The following FUBP3 variants were observed in gnomAD, a reference collection of about 807,000 sequenced individuals.
The protein encoded by FUBP3 is far upstream element-binding protein 3.
A neutral mutation model predicts 85.6 loss-of-function variants in FUBP3; 28 were observed. The ratio of observed to expected loss-of-function variants is 0.33; its 90% CI spans 0.24 to 0.45. The LOEUF (loss-of-function observed/expected upper bound fraction) is 0.45. Among genes scored for constraint, FUBP3 ranks in the 20% least tolerant of loss-of-function variants. FUBP3 has a pLI of 1.00. For synonymous variants in FUBP3, 271 were observed against 271.4 expected (o/e 1.00, Z 0.01); for missense variants, 583 against 755.1 (o/e 0.77, Z 2.67).
At chr9:130,628,323 C>G (rs1247588817) in intron 12 of FUBP3, among the ~76,000 whole-genome samples, 1 of 152,212 alleles carries the variant, frequency 6.6e-6, no homozygotes, top group East Asian at 1.9e-4. Context: ...CCAGCCTGCT[C>G]TTGTCAGCCA....
chr9:130,583,901 A>G (rs1830234645), intron 1 of FUBP3, among the ~76,000 whole-genome samples: 1 of 152,066 alleles, frequency 6.6e-6, no homozygotes, highest in Admixed American at 6.5e-5. Context: ...TTTATCATAT[A>G]ATATAATTAT....
intron 3 of FUBP3, among the ~76,000 whole-genome samples, chr9:130,610,818 T>G (rs968039151): frequency 6.6e-6 from 1 of 152,228 alleles, no homozygotes; most frequent in Non-Finnish European, 1.5e-5. Context: ...ACAAAAGTTT[T>G]ATCCTGGGGT....
intron 14 of FUBP3, 43 bp downstream of exon 14, chr9:130,631,673 T>A: frequency 7.0e-6 from 10 of 1,423,404 alleles, no homozygotes; most frequent in South Asian, 1.2e-5. Context: ...ATTCACTCGC[T>A]CCCCAGAGAT....
At position 130,631,558 on chromosome 9, in the gene FUBP3, G is replaced by A; in HGVS notation, c.1280G>A (p.Gly427Glu). 1 of 1,613,504 alleles carries A rather than the reference G, an allele frequency of 6.2e-7. No homozygotes were observed. The highest frequency in any genetic ancestry group is 8.5e-7 in the Non-Finnish European group (1 of 1,179,396). ...AGAGCTCCCTCTGTGCCCCCACAGG[G>A]GACCAATCTCGGAGCACCTGGAGCC... The part of the protein sequence containing the change: ...ARQLIDEKVG[G>E]TNLGAPGAFG... Residue 427 changes from glycine to glutamate, a missense_variant and splice_region_variant, in exon 14 of 19, where the codon GGG (glycine) becomes GAG (glutamate). By Grantham distance (98) the Gly-to-Glu change is moderately conservative. Coordinates refer to ENST00000319725, the MANE Select transcript of FUBP3 (RefSeq NM_003934.2).
At chr9:130,606,546 C>A (rs10793947) in intron 2 of FUBP3, among the ~76,000 whole-genome samples, 2 of 151,792 alleles carry the variant, frequency 1.3e-5, no homozygotes, top group South Asian at 2.1e-4. Context: ...TGTGGCCGGG[C>A]GCGGTGGCTC....
chr9:130,628,108 A>ACG (rs1830065204), intron 12 of FUBP3, among the ~76,000 whole-genome samples: 1 of 140,412 alleles, frequency 7.1e-6, no homozygotes, highest in African/African-American at 3.1e-5. Context: ...GCACGCGCAC[A>ACG]CACACACACA....
Position 130,630,608 on chromosome 9 carries a change from C to A in FUBP3, c.1118-20C>A. 6.4e-7 allele frequency: 1 copy of A among 1,564,698 alleles called. No homozygotes were observed. Among genetic ancestry groups the A allele is most frequent in the Non-Finnish European group, 8.6e-7 (1 of 1,156,494 alleles). On this transcript the variant is annotated intron_variant, in intron 12 of 18. Transcript: ENST00000319725. ...CCGCAGTCTCTGCTTACTCTTCTGC[C>A]TGTGTTGTGCTGTCCGCAGGGGGTG...
intron 5 of FUBP3, among the ~76,000 whole-genome samples, chr9:130,613,650 C>G (rs544379714): frequency 2.6e-5 from 4 of 152,292 alleles, no homozygotes; most frequent in Non-Finnish European, 5.9e-5. Context: ...GAAAAATGTC[C>G]TTTTAAAAGA....
intron 2 of FUBP3, among the ~76,000 whole-genome samples, chr9:130,602,115 A>T (rs1186128541): frequency 1.3e-5 from 2 of 152,056 alleles, no homozygotes; most frequent in African/African-American, 4.8e-5. Flanking sequence ...CTAATTTTTA[A>T]ATTGTACACC....
chr9:130,617,984 G>A (rs559094120), intron 8 of FUBP3, 89 bp downstream of exon 8: 2 of 630,222 alleles, frequency 3.2e-6, no homozygotes, highest in African/African-American at 1.8e-5. Context: ...TCAAGTAATT[G>A]TGAAACTGGC....
chr9:130,604,989 A>G (rs2119053851), intron 2 of FUBP3, among the ~76,000 whole-genome samples: 1 of 152,292 alleles, frequency 6.6e-6, no homozygotes, highest in South Asian at 2.1e-4. Context: ...ATTAAAACAC[A>G]TATGTGACTG....
chr9:130,614,171 G>C, intron 5 of FUBP3, 117 bp from the exon 6 acceptor site: 1 of 589,694 alleles, frequency 1.7e-6, no homozygotes, highest in East Asian at 2.7e-5. Context: ...TCTTTTTCTG[G>C]GAGCCTGGGC....
chr9:130,613,377 T>G (rs1030148385), intron 5 of FUBP3, among the ~76,000 whole-genome samples: 3 of 152,282 alleles, frequency 2.0e-5, no homozygotes, highest in East Asian at 1.9e-4. Flanking sequence ...TTGGGGTCAC[T>G]CCTTGACTAC....
intron 9 of FUBP3, among the ~76,000 whole-genome samples, chr9:130,620,660 G>A (rs987010726): frequency 6.6e-6 from 1 of 152,196 alleles, no homozygotes; most frequent in Non-Finnish European, 1.5e-5. Context: ...ACTTCAGGGC[G>A]TGGGGCCATT....
chr9:130,630,692 C>G lies in FUBP3; in HGVS notation c.1182C>G (p.Pro394=), dbSNP rs1252005849. Residue 394 remains proline, a synonymous_variant, in exon 13 of 19, where the codon CCC becomes CCG. Transcript: ENST00000319725. ...SGAHVELQRN[P]PPNSDPNLRR... is the part of the protein sequence containing the mutation. ...CGCACGTGGAGCTTCAGAGGAACCC[C>G]CCTCCCAACAGCGACCCCAACCTGC... 6.3e-7 allele frequency: 1 copy of G among 1,599,096 alleles called. No individual in the cohort carries two copies. Among genetic ancestry groups the G allele is most frequent in the Admixed American group, 1.7e-5 (1 of 57,974 alleles).
At position 130,612,875 on chromosome 9, in the gene FUBP3, T is replaced by G; in HGVS notation, c.275-81T>G. ...AGTATTGTGAGCCAAGTGTCACAGT[T>G]TGTGGAATTAATTCAGTCATTCCTG... On this transcript the variant is annotated intron_variant, in intron 4 of 18. Transcript: ENST00000319725. The surrounding 1 kb of genome is among the most constrained non-coding windows in gnomAD (Gnocchi z 4.1). 1 of 950,860 alleles carries G rather than the reference T, an allele frequency of 1.1e-6. No homozygotes were observed. The highest frequency in any genetic ancestry group is 1.7e-6 in the Non-Finnish European group (1 of 583,862). The allele number at this position is 950,860 out of a possible 1,614,324, so 58.9% of individuals were successfully genotyped here.
intron 1 of FUBP3, among the ~76,000 whole-genome samples, chr9:130,586,514 T>C (rs1010560554): frequency 6.6e-6 from 1 of 150,564 alleles, no homozygotes; most frequent in Non-Finnish European, 1.5e-5. Flanking sequence ...CAATCCTCCT[T>C]CCTCAGCCTC....
intron 2 of FUBP3, among the ~76,000 whole-genome samples, chr9:130,599,991 G>T (rs1727039916): frequency 1.3e-5 from 2 of 152,030 alleles, no homozygotes; most frequent in African/African-American, 4.8e-5. Flanking sequence ...CTCCTGCTCA[G>T]CCAACTTCTT....
At chr9:130,583,227 A>G (rs1234038582) in intron 1 of FUBP3, among the ~76,000 whole-genome samples, 1 of 152,194 alleles carries the variant, frequency 6.6e-6, no homozygotes, top group African/African-American at 2.4e-5. Flanking sequence ...GAAGTTCCAC[A>G]GTCCTCCTGA....
Sources: allele counts gnomAD v4.1 joint callset (sites outside exome capture counted in the v4.1 genomes callset), GRCh38; gene constraint gnomAD v4.1.1; non-coding constraint Gnocchi (gnomAD v3.1); transcripts MANE v1.5; gene names NCBI Gene and HGNC (gene_info 2026-07-23, HGNC 2026-07-21).